Variants in CTSW observed in about 807,000 individuals in gnomAD.
CTSW encodes the protein lymphopain.
In CTSW, 42 loss-of-function variants were observed where a neutral mutation model predicts 43.8. The ratio of observed to expected loss-of-function variants is 0.96; its 90% CI spans 0.75 to 1.24. The LOEUF (loss-of-function observed/expected upper bound fraction) is 1.24, where lower values mean the gene tolerates loss of function less well. Among genes scored for constraint, CTSW ranks in the 50% most tolerant of loss-of-function variants. The pLI, the probability that CTSW is intolerant of heterozygous loss-of-function variation, is 0.00. For synonymous variants in CTSW, 191 were observed against 184.8 expected (o/e 1.03, Z -0.27); for missense variants, 475 against 479.9 (o/e 0.99, Z 0.09).
At position 65,883,681 on chromosome 11, in the gene CTSW, C is replaced by CA; in HGVS notation, c.*64dup. ...ACTGCCTCCTTGCCAGCCCCACCCC[C>CA]AGGTTTTTGCCCATCCTCCCAATCT... On this transcript the variant is annotated 3_prime_UTR_variant, in exon 10 of 10. Coordinates refer to ENST00000307886, the MANE Select transcript of CTSW (RefSeq NM_001335.4). The CA allele has an allele frequency of 6.7e-7, 1 of 1,483,178 alleles. No individual in the cohort carries two copies. The highest frequency in any genetic ancestry group is 9.3e-7 in the Non-Finnish European group (1 of 1,070,044). 91.9% of individuals were successfully genotyped at this position (1,483,178 alleles called of 1,614,324 possible). A position where few individuals can be genotyped will look rare whatever the true frequency, so the allele number is the denominator to read the frequency against.
rs780292297 is a variant in CTSW, at chr11:65,882,884, T to C, written c.725T>C (p.Met242Thr). The C allele has an allele frequency of 1.1e-5, 17 of 1,613,972 alleles. No individual in the cohort carries two copies. The highest frequency in any genetic ancestry group is 1.3e-5 in the Non-Finnish European group (15 of 1,180,010). ...QKVAWIQDFI[M>T]LQNNEHRIAQ... Reference sequence around the variant, plus strand: ...GTGGCCTGGATCCAGGACTTCATCATGCTGCAGAACAACGAGCACAGTGCG... The same window carrying C: ...GTGGCCTGGATCCAGGACTTCATCACGCTGCAGAACAACGAGCACAGTGCG... The change falls in exon 7 of 10, where the codon ATG becomes ACG. Residue 242 changes from methionine (M) to threonine (T), a missense_variant. By Grantham distance (81) the Met-to-Thr change is moderately conservative (BLOSUM62 -1). Coordinates refer to ENST00000307886, the MANE Select transcript of CTSW (RefSeq NM_001335.4).
chr11:65,883,024 C>A, intron 7 of CTSW, 45 bp from the exon 8 acceptor site: 1 of 1,613,456 alleles, frequency 6.2e-7, no homozygotes, highest in South Asian at 1.1e-5. Context: ...AGCGAGAGAC[C>A]CACACACCCA....
At position 65,882,824 on chromosome 11, in the gene CTSW, G is replaced by C; in HGVS notation, c.665G>C (p.Arg222Thr). 3 of 1,614,192 alleles carry C rather than the reference G, an allele frequency of 1.9e-6. No individual in the cohort carries two copies. Among genetic ancestry groups the C allele is most frequent in the Non-Finnish European group, 2.5e-6 (3 of 1,180,028 alleles). Residue 222 changes from arginine (R) to threonine (T), a missense_variant, in exon 7 of 10, where the codon AGA becomes ACA. Arg to Thr is a moderately conservative substitution (Grantham distance 71). Coordinates refer to ENST00000307886, the MANE Select transcript of CTSW (RefSeq NM_001335.4). ...GACTACCCGTTCCAGGGCAAAGTCAGAGCCCACAGGTGCCACCCCAAGAAG... is the reference window on the plus strand; with the variant it reads ...GACTACCCGTTCCAGGGCAAAGTCACAGCCCACAGGTGCCACCCCAAGAAG... ...EKDYPFQGKVRAHRCHPKKYQ... is the reference protein window; with the variant it reads ...EKDYPFQGKVTAHRCHPKKYQ...
At chr11:65,881,253 G>A (rs1408941166) in intron 2 of CTSW, among the ~76,000 whole-genome samples, 154 bp from the exon 3 acceptor site, 1 of 152,120 alleles carries the variant, frequency 6.6e-6, no homozygotes, top group African/African-American at 2.4e-5. Context: ...ACCACTTCCT[G>A]GGCCTGGGTA....
chr11:65,881,311 A>G (rs1860102645), intron 2 of CTSW, 96 bp from the exon 3 acceptor site: 4 of 719,216 alleles, frequency 5.6e-6, no homozygotes, highest in Non-Finnish European at 9.0e-6. Flanking sequence ...CCAGTGCTCA[A>G]CTGGGTGGGT....
Position 65,881,467 on chromosome 11 carries a change from A to G in CTSW, c.233A>G (p.Glu78Gly). 1 of 1,611,892 alleles carries G rather than the reference A, an allele frequency of 6.2e-7. No homozygotes were observed. The highest frequency in any genetic ancestry group is 8.5e-7 in the Non-Finnish European group (1 of 1,178,854). The change falls in exon 3 of 10, where the codon GAG (glutamate) becomes GGG (glycine). Residue 78 changes from glutamate (E) to glycine (G), a missense_variant. Coordinates refer to ENST00000307886, the MANE Select transcript of CTSW (RefSeq NM_001335.4). The stretch of plus-strand genomic sequence containing the variant: ...CTGGCCCAGGCTCAGAGGCTGCAGG[A>G]GGAGGACTTGGGCACAGCTGAGTTT... ...HNLAQAQRLQ[E>G]EDLGTAEFGV...
chr11:65,883,377 C>G lies in CTSW; in HGVS notation c.973C>G (p.Pro325Ala), dbSNP rs749544811. The change falls in exon 9 of 10, where the codon CCA becomes GCA. Residue 325 changes from proline to alanine, a missense_variant. By Grantham distance (27) the Pro-to-Ala change is conservative (BLOSUM62 -1). Coordinates refer to ENST00000307886, the MANE Select transcript of CTSW (RefSeq NM_001335.4). ...QSQPQPPHPT[P>A]YWILKNSWGA... ...TCAGCCTCAGCCTCCACACCCCACC[C>G]CATACTGGATCCTGAAGAACTCCTG... 6.2e-7 allele frequency: 1 copy of G among 1,614,106 alleles called. No individual in the cohort carries two copies. Among genetic ancestry groups the G allele is most frequent in the Admixed American group, 1.7e-5 (1 of 60,022 alleles).
At chr11:65,881,745 G>A (rs949097531) in intron 3 of CTSW, among the ~76,000 whole-genome samples, 4 of 152,190 alleles carry the variant, frequency 2.6e-5, no homozygotes, top group Non-Finnish European at 5.9e-5. Context: ...AGCAGCTGCA[G>A]GGAAGCACCC....
Position 65,880,223 on chromosome 11 carries a change from G to C in CTSW, c.109G>C (p.Glu37Gln). The change falls in exon 2 of 10, where the codon GAG (glutamate) becomes CAG (glutamine). Residue 37 changes from glutamate to glutamine, a missense_variant. Glu to Gln is a conservative substitution (Grantham distance 29). Coordinates refer to ENST00000307886, the MANE Select transcript of CTSW (RefSeq NM_001335.4). ...CCAGGACCTAGGTCCCCAGCCGCTA[G>C]AGCTGAAAGAGGCCTTCAAGTTGTT... ...RAQDLGPQPL[E>Q]LKEAFKLFQI... The C allele has an allele frequency of 1.2e-6, 2 of 1,614,162 alleles. No individual in the cohort carries two copies. Among genetic ancestry groups the C allele is most frequent in the Non-Finnish European group, 8.5e-7 (1 of 1,180,024 alleles).
rs1422768910 is a variant in CTSW at position 65,880,251 on chromosome 11, A to G, written c.137A>G (p.Gln46Arg). The change falls in exon 2 of 10, where the codon CAG becomes CGG. Residue 46 changes from glutamine (Q) to arginine (R), a missense_variant. Physicochemically the swap from Gln to Arg is conservative, Grantham distance 43. Coordinates refer to ENST00000307886, the MANE Select transcript of CTSW (RefSeq NM_001335.4). ...CTGAAAGAGGCCTTCAAGTTGTTCC[A>G]GATCCAGTTCAACCGGAGTTACCTG... ...LELKEAFKLF[Q>R]IQFNRSYLSP... 6.2e-7 allele frequency: 1 copy of G among 1,614,044 alleles called. No individual in the cohort carries two copies. Among genetic ancestry groups the G allele is most frequent in the Non-Finnish European group, 8.5e-7 (1 of 1,179,998 alleles).
intron 1 of CTSW, 51 bp from the exon 2 acceptor site, chr11:65,880,151 A>G (rs1565277567): frequency 1.3e-6 from 2 of 1,547,506 alleles, no homozygotes; most frequent in Admixed American, 1.7e-5. Flanking sequence ...GTGGGGCCCC[A>G]GCAATGATTC....
chr11:65,880,568 G>A (rs1246664348), intron 2 of CTSW: 3 of 297,552 alleles, frequency 1.0e-5, no homozygotes, highest in Non-Finnish European at 2.0e-5. Context: ...TGATCCGCCT[G>A]CCTCGGCCTC....
At position 65,883,679 on chromosome 11, in the gene CTSW, C is replaced by A. The variant is rs745524695; in HGVS notation, c.*61C>A. On this transcript the variant is annotated 3_prime_UTR_variant, in exon 10 of 10. Coordinates refer to ENST00000307886, the MANE Select transcript of CTSW (RefSeq NM_001335.4). ...CAACTGCCTCCTTGCCAGCCCCACC[C>A]CCAGGTTTTTGCCCATCCTCCCAAT... is the stretch of plus-strand genomic sequence containing the variant. 1.3e-6 allele frequency: 2 copies of A among 1,508,476 alleles called. No homozygotes were observed. The highest frequency in any genetic ancestry group is 1.1e-5 in the South Asian group (1 of 88,780). 93.4% of individuals were successfully genotyped at this position (1,508,476 alleles called of 1,614,324 possible).
In CTSW at chr11:65,881,453, T is replaced by A; in HGVS notation, c.219T>A (p.Ala73=). ...LDIFAHNLAQ[A]QRLQEEDLGT... ...TCTTTGCCCACAACCTGGCCCAGGC[T>A]CAGAGGCTGCAGGAGGAGGACTTGG... Residue 73 remains alanine (A), a synonymous_variant, in exon 3 of 10, where the codon GCT becomes GCA. Transcript: ENST00000307886. 2 of 1,611,288 alleles carry A rather than the reference T, an allele frequency of 1.2e-6. No homozygotes were observed. Among genetic ancestry groups the A allele is most frequent in the Non-Finnish European group, 1.7e-6 (2 of 1,178,514 alleles).
At chr11:65,882,942 C>A (rs1408418676) in intron 7 of CTSW, 38 bp downstream of exon 7, 1 of 1,612,844 alleles carries the variant, frequency 6.2e-7, no homozygotes, top group South Asian at 1.1e-5. Flanking sequence ...ATGGCAGGGA[C>A]AGACACCGGG....
In CTSW at chr11:65,879,972, G is replaced by C. The variant is rs753478075; in HGVS notation, c.87+31G>C. 5 of 1,570,844 alleles carry C rather than the reference G, an allele frequency of 3.2e-6. No individual in the cohort carries two copies. The African/African-American group carries it at 6.8e-5, about 21-fold the overall frequency. Reference sequence around the variant, plus strand: ...TGCTCCCAAACCCTTACCTATGCCAGTCCCACGCCTGGGGTCACCCCTTCA... The same window carrying C: ...TGCTCCCAAACCCTTACCTATGCCACTCCCACGCCTGGGGTCACCCCTTCA... On this transcript the variant is annotated intron_variant, in intron 1 of 9. Transcript: ENST00000307886.
chr11:65,880,241 A>C lies in CTSW; in HGVS notation c.127A>C (p.Lys43Gln), dbSNP rs1379536250. 1.2e-6 allele frequency: 2 copies of C among 1,613,844 alleles called. No homozygotes were observed. Residue 43 changes from lysine (K) to glutamine (Q), a missense_variant, in exon 2 of 10, where the codon AAG becomes CAG. Transcript: ENST00000307886. ...GCCGCTAGAGCTGAAAGAGGCCTTC[A>C]AGTTGTTCCAGATCCAGTTCAACCG... ...PQPLELKEAF[K>Q]LFQIQFNRSY...
chr11:65,882,444 CTG>C lies in CTSW; in HGVS notation c.457_458del (p.Cys153LeufsTer59). 1 of 1,614,214 alleles carries C rather than the reference CTG, an allele frequency of 6.2e-7. No homozygotes were observed. Among genetic ancestry groups the C allele is most frequent in the South Asian group, 1.1e-5 (1 of 91,078 alleles). On this transcript the variant is annotated frameshift_variant, in exon 5 of 10. Coordinates refer to ENST00000307886, the MANE Select transcript of CTSW (RefSeq NM_001335.4). LOFTEE classifies it high-confidence loss of function. ...TCGCCCTCCAGAAAAACTGCAACTGCTGCTGGGCCATGGCAGCGGCAGGCAAC... is the reference window on the plus strand; with the variant it reads ...TCGCCCTCCAGAAAAACTGCAACTGCCTGGGCCATGGCAGCGGCAGGCAAC... ...PIKDQKNCNC[C>X]WAMAAAGNIE... is the part of the protein sequence containing the mutation.
At position 65,883,349 on chromosome 11, in the gene CTSW, G is replaced by A. The variant is rs1177307206; in HGVS notation, c.945G>A (p.Gln315=). ...TATGGGCAGAGACAGTCTCATCGCA[G>A]TCTCAGCCTCAGCCTCCACACCCCA... The part of the protein sequence containing the change: ...EGIWAETVSS[Q]SQPQPPHPTP... The change falls in exon 9 of 10, where the codon CAG becomes CAA. Residue 315 remains glutamine, a synonymous_variant. Transcript: ENST00000307886. 3 of 1,614,102 alleles carry A rather than the reference G, an allele frequency of 1.9e-6. No individual in the cohort carries two copies. The highest frequency in any genetic ancestry group is 2.5e-6 in the Non-Finnish European group (3 of 1,180,028).
Sources: gnomAD v4.1 joint callset for allele counts (sites outside exome capture counted in the v4.1 genomes callset) on GRCh38, gnomAD v4.1.1 for gene constraint, MANE v1.5 for transcripts, NCBI Gene and HGNC (gene_info 2026-07-23, HGNC 2026-07-21) for gene names.